The following SLCO5A1 variants were observed in gnomAD, a reference collection of about 807,000 sequenced individuals.
SLCO5A1 encodes the protein solute carrier organic anion transporter family member 5A1.
In SLCO5A1, 39 loss-of-function variants were observed where a neutral mutation model predicts 65.1. The ratio of observed to expected loss-of-function variants is 0.60; its 90% confidence interval spans 0.46 to 0.78. SLCO5A1 has a LOEUF of 0.78. Ranked by LOEUF, SLCO5A1 falls within the 30% of genes least tolerant of loss-of-function variation. The pLI is 0.00. For synonymous variants in SLCO5A1, 438 were observed against 415.7 expected (o/e 1.05, Z -0.65); for missense variants, 1,029 against 1,069.4 (o/e 0.96, Z 0.53).
chr8:69,728,892 C>T (rs767154349), intron 5 of SLCO5A1, among the ~76,000 whole-genome samples: 2 of 151,898 alleles, frequency 1.3e-5, no homozygotes, highest in Admixed American at 6.6e-5. Flanking sequence ...GAAACAATGA[C>T]GATCTTGTAG....
chr8:69,755,997 A>G (rs1817526830), intron 3 of SLCO5A1, among the ~76,000 whole-genome samples: 1 of 152,248 alleles, frequency 6.6e-6, no homozygotes, highest in Non-Finnish European at 1.5e-5. Context: ...CAATAGAAAA[A>G]TAATGTAGAC....
At chr8:69,813,199 A>T (rs1219104316) in intron 2 of SLCO5A1, among the ~76,000 whole-genome samples, 1 of 147,694 alleles carries the variant, frequency 6.8e-6, no homozygotes, top group Non-Finnish European at 1.5e-5. Context: ...TCTCTTTATA[A>T]AAAAAAAAGT....
chr8:69,824,450 C>A (rs1820781836), intron 2 of SLCO5A1, among the ~76,000 whole-genome samples: 1 of 152,024 alleles, frequency 6.6e-6, no homozygotes, highest in African/African-American at 2.4e-5. Context: ...GGGATATCAC[C>A]ACCGATCCCA....
chr8:69,831,733 G>A lies in SLCO5A1; in HGVS notation c.907+34C>T, dbSNP rs1228110436. ...GTAAGGAAAGTAAGTTTCAGTGTGAGTGAAACATATCTGAGAGAACAGGAA... is the reference window on the plus strand; with the variant it reads ...GTAAGGAAAGTAAGTTTCAGTGTGAATGAAACATATCTGAGAGAACAGGAA... On this transcript the variant is annotated intron_variant, in intron 2 of 9. Coordinates refer to ENST00000260126, the MANE Select transcript of SLCO5A1 (RefSeq NM_030958.3). The A allele has an allele frequency of 3.8e-6, 6 of 1,578,838 alleles. No individual in the cohort carries two copies. The African/African-American group carries it at 5.5e-5, about 14-fold the overall frequency.
At chr8:69,817,234 A>C (rs1820447213) in intron 2 of SLCO5A1, among the ~76,000 whole-genome samples, 1 of 152,184 alleles carries the variant, frequency 6.6e-6, no homozygotes, top group African/African-American at 2.4e-5. Context: ...ATATAAGTGG[A>C]ACTATATAGT....
At chr8:69,689,659 C>T (rs1317831222) in intron 6 of SLCO5A1, among the ~76,000 whole-genome samples, 16 of 137,716 alleles carry the variant, frequency 1.2e-4, no homozygotes, top group Admixed American at 7.8e-4. Flanking sequence ...AGATATGCGG[C>T]GTTATTTCTG....
At chr8:69,765,373 T>A (rs1818014448) in intron 2 of SLCO5A1, among the ~76,000 whole-genome samples, 1 of 151,944 alleles carries the variant, frequency 6.6e-6, no homozygotes, top group African/African-American at 2.4e-5. Flanking sequence ...TGTATATTAC[T>A]CTGTATGAGT....
intron 2 of SLCO5A1, among the ~76,000 whole-genome samples, chr8:69,769,316 TAG>T (rs1362030580): frequency 7.4e-4 from 102 of 137,882 alleles, no homozygotes; most frequent in African/African-American, 3.0e-3. Flanking sequence ...CCAGCTAGGT[TAG>T]ACAGACTTCA....
intron 6 of SLCO5A1, among the ~76,000 whole-genome samples, chr8:69,687,854 T>C (rs548664762): frequency 1.3e-5 from 2 of 151,640 alleles, no homozygotes; most frequent in East Asian, 3.9e-4. Context: ...ATATATATAA[T>C]TTTAACATAT....
intron 5 of SLCO5A1, among the ~76,000 whole-genome samples, chr8:69,708,178 G>A (rs17728769): frequency 0.21 from 32,134 of 152,046 alleles, 3,535 homozygotes; most frequent in Non-Finnish European, 0.25. Flanking sequence ...CAAAAATGTC[G>A]GAAGCAGGAA....
intron 2 of SLCO5A1, among the ~76,000 whole-genome samples, chr8:69,827,333 A>C (rs1001331199): frequency 1.3e-5 from 2 of 152,110 alleles, no homozygotes; most frequent in African/African-American, 4.8e-5. Flanking sequence ...ATTATAGTCT[A>C]GTTGCTAACC....
intron 2 of SLCO5A1, among the ~76,000 whole-genome samples, chr8:69,769,798 T>C (rs912614224): frequency 5.3e-5 from 8 of 152,164 alleles, no homozygotes; most frequent in African/African-American, 1.9e-4. Context: ...GTAGGGTATC[T>C]TTCTGGAGTT....
At chr8:69,744,522 T>C (rs1424255143) in intron 4 of SLCO5A1, among the ~76,000 whole-genome samples, 1 of 152,232 alleles carries the variant, frequency 6.6e-6, no homozygotes, top group East Asian at 1.9e-4. Flanking sequence ...CCCATGTACT[T>C]GGTCCATAGC....
chr8:69,815,371 T>C (rs1820361359), intron 2 of SLCO5A1, among the ~76,000 whole-genome samples: 2 of 152,284 alleles, frequency 1.3e-5, no homozygotes, highest in Non-Finnish European at 2.9e-5. Context: ...GTAAAAATAG[T>C]CCTTGTTAGA....
chr8:69,833,680 G>A (rs976398204), intron 1 of SLCO5A1: 1 of 152,252 alleles, frequency 6.6e-6, no homozygotes, highest in African/African-American at 2.4e-5. Flanking sequence ...GCACACTGGT[G>A]TGCGTTGGCA....
intron 7 of SLCO5A1, among the ~76,000 whole-genome samples, chr8:69,680,108 C>T (rs536850504): frequency 6.6e-6 from 1 of 152,294 alleles, no homozygotes; most frequent in African/African-American, 2.4e-5. Flanking sequence ...TAATAGTGAA[C>T]ATCTCATTGG....
At chr8:69,777,344 G>A (rs1232996334) in intron 2 of SLCO5A1, among the ~76,000 whole-genome samples, 1 of 152,054 alleles carries the variant, frequency 6.6e-6, no homozygotes, top group East Asian at 1.9e-4. Flanking sequence ...TCTAGAAAAC[G>A]TGAACTATCC....
At chr8:69,704,092 G>GT (rs71275005) in intron 6 of SLCO5A1, among the ~76,000 whole-genome samples, 19,911 of 152,090 alleles carry the variant, frequency 0.13, 1,419 homozygotes, top group Non-Finnish European at 0.16. Flanking sequence ...GTATAAATGG[G>GT]TTACCACTAT....
At position 69,683,812 on chromosome 8, in the gene SLCO5A1, T is replaced by G. The variant is rs184780828; in HGVS notation, c.1623-1469A>C. The stretch of plus-strand genomic sequence containing the variant: ...TCCTAACCTCGTGATCCACTCCCCC[T>G]TGGCCTCCCAAAGTGCTAGGATTAC... On this transcript the variant is annotated intron_variant, in intron 6 of 9. Coordinates refer to ENST00000260126, the MANE Select transcript of SLCO5A1 (RefSeq NM_030958.3). 3.9e-4 allele frequency among the ~76,000 whole-genome samples: 60 copies of G among 152,240 alleles called. 1 individual carries two copies. The South Asian group carries it at 7.0e-3, about 18-fold the overall frequency.
Sources: allele counts gnomAD v4.1 joint callset (sites outside exome capture counted in the v4.1 genomes callset), GRCh38; gene constraint gnomAD v4.1.1; transcripts MANE v1.5; gene names NCBI Gene and HGNC (gene_info 2026-07-23, HGNC 2026-07-21).